SLC5A10: variants seen among roughly 807,000 people sequenced by gnomAD.
SLC5A10 encodes the protein solute carrier family 5 member 10.
SLC5A10 carries 55 observed loss-of-function variants against 68.9 expected under a neutral mutation model. That is an observed-to-expected ratio of 0.80 (90% CI 0.64 to 1.00). The LOEUF is 1.00. SLC5A10 is among the 50% of genes least tolerant of loss of function. The probability of loss-of-function intolerance (pLI) is 0.00; values close to 1 mark genes in which losing one functional copy is unlikely to be tolerated. For synonymous variants in SLC5A10, 344 were observed against 344.8 expected (o/e 1.00, Z 0.02); for missense variants, 732 against 819.3 (o/e 0.89, Z 1.30).
chr17:19,021,851 C>T lies in SLC5A10; in HGVS notation c.*1420C>T. On this transcript the variant is annotated 3_prime_UTR_variant, in exon 15 of 15. Coordinates refer to ENST00000395645, the MANE Select transcript of SLC5A10 (RefSeq NM_001042450.4). The surrounding 1 kb of genome is among the most constrained non-coding windows in gnomAD (Gnocchi z 4.1). Reference sequence around the variant, plus strand: ...TTAGGAGCCCACGTTCAGTCCAAGGCCGTCCACTGAGCCCCGTGTGACTCT... The same window carrying T: ...TTAGGAGCCCACGTTCAGTCCAAGGTCGTCCACTGAGCCCCGTGTGACTCT... 1 of 1,208,320 alleles carries T rather than the reference C, an allele frequency of 8.3e-7. No homozygotes were observed. Among genetic ancestry groups the T allele is most frequent in the Non-Finnish European group, 1.1e-6 (1 of 916,344 alleles). The allele number at this position is 1,208,320 out of a possible 1,614,324, so 74.8% of individuals were successfully genotyped here.
chr17:18,997,898 A>C (rs1674418128), intron 9 of SLC5A10, among the ~76,000 whole-genome samples: 1 of 152,192 alleles, frequency 6.6e-6, no homozygotes. Flanking sequence ...TTCCCATTTA[A>C]ATCTCACTGA....
At chr17:18,951,411 T>C (rs2042366046), upstream of SLC5A10, among the ~76,000 whole-genome samples, 1 of 6,754 alleles carries the variant, frequency 1.5e-4, no homozygotes, top group African/African-American at 1.7e-3. Flanking sequence ...GCGTGGCTGC[T>C]GTGAGCGTGA....
At chr17:18,984,558 T>G (rs958706768) in intron 9 of SLC5A10, among the ~76,000 whole-genome samples, 2 of 152,238 alleles carry the variant, frequency 1.3e-5, no homozygotes, top group African/African-American at 4.8e-5. Context: ...GATGCTTCTT[T>G]GTTCATCAGA....
Position 18,965,676 on chromosome 17 carries a change from C to G in SLC5A10, c.454-3376C>G, listed in dbSNP as rs556384633. Among the ~76,000 whole-genome samples, 7 of 152,368 alleles carry G rather than the reference C, an allele frequency of 4.6e-5. No homozygotes were observed. The East Asian group carries it at 1.2e-3, about 25-fold the overall frequency. On this transcript the variant is annotated intron_variant, in intron 5 of 14. Transcript: ENST00000395645. Reference sequence around the variant, plus strand: ...GCACCACAGGGCCCACACGTCCTCTCTCAGCCTTGCTCCCTCCCTGTGTAC... The same window carrying G: ...GCACCACAGGGCCCACACGTCCTCTGTCAGCCTTGCTCCCTCCCTGTGTAC...
In SLC5A10 at chr17:18,952,169, C is replaced by CCTCGGG; in HGVS notation, c.-33_-28dup. 6.3e-7 allele frequency: 1 copy of CCTCGGG among 1,597,274 alleles called. No individual in the cohort carries two copies. Among genetic ancestry groups the CCTCGGG allele is most frequent in the Non-Finnish European group, 8.5e-7 (1 of 1,172,416 alleles). ...TTCTGACCTGGTTTGCCCCTCAGTC[C>CCTCGGG]CTCGGGCTCATACCTAGTGCCTGCG... On this transcript the variant is annotated 5_prime_UTR_variant, in exon 1 of 15. Transcript: ENST00000395645.
chr17:19,019,239 C>T (rs914222240), intron 11 of SLC5A10, 184 bp from the exon 12 acceptor site: 2 of 672,192 alleles, frequency 3.0e-6, no homozygotes, highest in South Asian at 2.0e-5. Flanking sequence ...AGGGAGCCAC[C>T]AAAGGGTTTG....
At position 18,969,376 on chromosome 17, in the gene SLC5A10, G is replaced by A. The variant is rs1315942844; in HGVS notation, c.594G>A (p.Leu198=). 6.8e-6 allele frequency: 11 copies of A among 1,613,618 alleles called. No individual in the cohort carries two copies. The highest frequency in any genetic ancestry group is 1.3e-5 in the African/African-American group (1 of 74,938). ...CTGCTGTAATCTACACGGACGCCCT[G>A]CAGACGCTCATCATGGTGGTGGGGG... The part of the protein sequence containing the change: ...GLAAVIYTDA[L]QTLIMVVGAV... Residue 198 remains leucine, a synonymous_variant, in exon 7 of 15, where the codon CTG becomes CTA. Coordinates refer to ENST00000395645, the MANE Select transcript of SLC5A10 (RefSeq NM_001042450.4).
At chr17:19,014,934 C>A in intron 10 of SLC5A10, 115 bp from the exon 11 acceptor site, 3 of 1,305,936 alleles carry the variant, frequency 2.3e-6, no homozygotes, top group Admixed American at 4.1e-5. Flanking sequence ...CCGCCCTCTG[C>A]CTTGGAGGAG....
Position 19,021,664 on chromosome 17 carries a change from C to G in SLC5A10, c.*1233C>G, listed in dbSNP as rs2044266279. The G allele has an allele frequency of 1.0e-5, 4 of 397,722 alleles. No homozygotes were observed. The highest frequency in any genetic ancestry group is 4.4e-6 in the Non-Finnish European group (1 of 226,018). 24.6% of individuals were successfully genotyped at this position (397,722 alleles called of 1,614,324 possible). A position where few individuals can be genotyped will look rare whatever the true frequency, so the allele number is the denominator to read the frequency against. ...CCTTCCTGGCAGATGGGGCCATTGACAAGAGGAGGTGGGCGGGGCCTCCAC... is the reference window on the plus strand; with the variant it reads ...CCTTCCTGGCAGATGGGGCCATTGAGAAGAGGAGGTGGGCGGGGCCTCCAC... On this transcript the variant is annotated 3_prime_UTR_variant, in exon 15 of 15. Transcript: ENST00000395645. This position sits in a 1 kb window ranked among gnomAD's most constrained non-coding sequence, Gnocchi z 4.1.
At chr17:19,012,308 C>T (rs753075171) in intron 9 of SLC5A10, among the ~76,000 whole-genome samples, 33 of 152,216 alleles carry the variant, frequency 2.2e-4, no homozygotes, top group Non-Finnish European at 4.3e-4. Context: ...GGGTTCTGCC[C>T]CCACACAGGG....
chr17:18,998,669 C>T (rs945966615), intron 9 of SLC5A10, among the ~76,000 whole-genome samples: 13 of 152,202 alleles, frequency 8.5e-5, no homozygotes, highest in African/African-American at 3.1e-4. Flanking sequence ...CGGCTCTCCT[C>T]GAAACTCTTA....
intron 9 of SLC5A10, among the ~76,000 whole-genome samples, chr17:19,012,347 G>A (rs1311118986): frequency 6.6e-6 from 1 of 152,214 alleles, no homozygotes; most frequent in African/African-American, 2.4e-5. Context: ...CTGGATTTAG[G>A]GTTCAGTCGG....
intron 7 of SLC5A10, 135 bp from the exon 8 acceptor site, chr17:18,970,874 AACAC>A (rs1257288007): frequency 1.4e-6 from 1 of 722,522 alleles, no homozygotes; most frequent in Non-Finnish European, 2.3e-6. Flanking sequence ...CACCTTTCCA[AACAC>A]TGGGAAAGAT....
At chr17:18,965,203 G>A (rs1214028740) in intron 5 of SLC5A10, among the ~76,000 whole-genome samples, 1 of 152,100 alleles carries the variant, frequency 6.6e-6, no homozygotes, top group Non-Finnish European at 1.5e-5. Flanking sequence ...GGGCAGCAGA[G>A]GTTTTGGGGA....
At position 18,971,415 on chromosome 17, in the gene SLC5A10, C is replaced by G; in HGVS notation, c.846+197C>G. ...GCCCTCCGTTTAGAATCCGATGAGG[C>G]CCACTGGCTACCGCCCGTCCTGGCC... is the stretch of plus-strand genomic sequence containing the variant. On this transcript the variant is annotated intron_variant, in intron 8 of 14. Coordinates refer to ENST00000395645, the MANE Select transcript of SLC5A10 (RefSeq NM_001042450.4). The surrounding 1 kb of genome is among the most constrained non-coding windows in gnomAD (Gnocchi z 5.5). The G allele has an allele frequency of 6.2e-7, 1 of 1,613,848 alleles. No individual in the cohort carries two copies. Among genetic ancestry groups the G allele is most frequent in the Non-Finnish European group, 8.5e-7 (1 of 1,179,992 alleles).
chr17:18,956,634 G>A lies in SLC5A10; in HGVS notation c.112-2048G>A, dbSNP rs1445238932. Among the ~76,000 whole-genome samples, 6 of 151,652 alleles carry A rather than the reference G, an allele frequency of 4.0e-5. No homozygotes were observed. The East Asian group carries it at 5.8e-4, about 15-fold the overall frequency. On this transcript the variant is annotated intron_variant, in intron 1 of 14. Transcript: ENST00000395645. ...TGGGATTACAAGCATGCACCACCAC[G>A]CCCAGCTAATTTTAAAACTTTTTAT...
intron 9 of SLC5A10, among the ~76,000 whole-genome samples, chr17:18,992,646 G>A (rs768609259): frequency 2.6e-5 from 4 of 152,200 alleles, no homozygotes; most frequent in Non-Finnish European, 5.9e-5. Context: ...GTCCAGCACC[G>A]GCGCCCAAGC....
Position 19,003,775 on chromosome 17 carries a change from CCCCTGAGAGGGG to C in SLC5A10, c.983-9631_983-9620del, listed in dbSNP as rs1214473461. On this transcript the variant is annotated intron_variant, in intron 9 of 14. Transcript: ENST00000395645. This position sits in a 1 kb window ranked among gnomAD's most constrained non-coding sequence, Gnocchi z 4.5. ...CGTCGCCGACCCCATTGTCCTCGGG[CCCCTGAGAGGGG>C]CCCGTGCCCCGAGGGTCCTCAGAGC... 1 of 1,610,490 alleles carries C rather than the reference CCCCTGAGAGGGG, an allele frequency of 6.2e-7. No homozygotes were observed. Among genetic ancestry groups the C allele is most frequent in the Non-Finnish European group, 8.5e-7 (1 of 1,178,898 alleles).
At position 18,992,502 on chromosome 17, in the gene SLC5A10, G is replaced by A. The variant is rs538222114; in HGVS notation, c.982+15513G>A. On this transcript the variant is annotated intron_variant, in intron 9 of 14. Transcript: ENST00000395645. ...CCCAGCAGACACGGCCTGAAGCCACGTAACACTGGCTGCTGGCGTTGGGGG... is the reference window on the plus strand; with the variant it reads ...CCCAGCAGACACGGCCTGAAGCCACATAACACTGGCTGCTGGCGTTGGGGG... Among the ~76,000 whole-genome samples, 9 of 152,350 alleles carry A rather than the reference G, an allele frequency of 5.9e-5. No individual in the cohort carries two copies. The East Asian group carries it at 1.2e-3, about 20-fold the overall frequency.
Sources: gnomAD v4.1 joint callset for allele counts (sites outside exome capture counted in the v4.1 genomes callset) on GRCh38, gnomAD v4.1.1 for gene constraint, Gnocchi (gnomAD v3.1) non-coding constraint, MANE v1.5 for transcripts, NCBI Gene and HGNC (gene_info 2026-07-23, HGNC 2026-07-21) for gene names.